The following GRM4 variants were observed in gnomAD, a reference collection of about 807,000 sequenced individuals.
GRM4 encodes the protein glutamate metabotropic receptor 4, also known as metabotropic glutamate receptor 4.
In GRM4, 28 loss-of-function variants were observed where a neutral mutation model predicts 81.7. That is an observed-to-expected ratio of 0.34 (90% confidence interval 0.25 to 0.47). The LOEUF (loss-of-function observed/expected upper bound fraction) is 0.47, where lower values mean the gene tolerates loss of function less well. GRM4 is among the 20% of genes least tolerant of loss of function. GRM4 has a pLI of 1.00. For synonymous variants in GRM4, 488 were observed against 528.8 expected (o/e 0.92, Z 1.06); for missense variants, 948 against 1,290.0 (o/e 0.73, Z 4.06).
Position 34,040,298 on chromosome 6 carries a change from A to G in GRM4, c.1386T>C (p.Pro462=), listed in dbSNP as rs1000842408. 1.9e-6 allele frequency: 3 copies of G among 1,614,068 alleles called. No homozygotes were observed. Among genetic ancestry groups the G allele is most frequent in the African/African-American group, 1.3e-5 (1 of 74,950 alleles). ...NVNFSGIAGN[P]VTFNENGDAP... ...CATCTCCATTCTCATTGAAGGTCAC[A>G]GGGTTCCCTGCGATGCCTGTAAGGG... The change falls in exon 8 of 11, where the codon CCT becomes CCC. Residue 462 remains proline (P), a synonymous_variant. Coordinates refer to ENST00000538487, the MANE Select transcript of GRM4 (RefSeq NM_000841.4).
chr6:34,056,433 CACGGCCGGCCGACG>C (rs1765879275), intron 6 of GRM4, 97 bp downstream of exon 6: 1 of 1,016,372 alleles, frequency 9.8e-7, no homozygotes, highest in Non-Finnish European at 1.4e-6. Flanking sequence ...CACGTCCTGC[CACGGCCGGCCGACG>C]ACAGACAAAG....
chr6:34,087,044 G>C (rs966029693), intron 3 of GRM4, among the ~76,000 whole-genome samples: 1 of 151,958 alleles, frequency 6.6e-6, no homozygotes, highest in Non-Finnish European at 1.5e-5. Flanking sequence ...AGGATTGCTT[G>C]AGCCTGAGAG....
chr6:34,075,796 G>A (rs1767281605), intron 3 of GRM4, among the ~76,000 whole-genome samples: 2 of 152,224 alleles, frequency 1.3e-5, no homozygotes, highest in Admixed American at 6.5e-5. Context: ...CTTATTGTTG[G>A]TTTCCTCCAT....
At position 34,091,890 on chromosome 6, in the gene GRM4, A is replaced by C; in HGVS notation, c.729T>G (p.Arg243=). 3 of 1,611,476 alleles carry C rather than the reference A, an allele frequency of 1.9e-6. No homozygotes were observed. The highest frequency in any genetic ancestry group is 2.5e-6 in the Non-Finnish European group (3 of 1,178,120). The change falls in exon 3 of 11, where the codon CGT becomes CGG. Residue 243 remains arginine, a synonymous_variant. Coordinates refer to ENST00000538487, the MANE Select transcript of GRM4 (RefSeq NM_000841.4). ...SGVEAFIQKS[R]EDGGVCIAQS... The stretch of plus-strand genomic sequence containing the variant: ...GCCAGGCGTTTGACTCACCGTCCTC[A>C]CGGGACTTCTGGATGAAGGCCTCCA...
chr6:34,138,174 C>G (rs942816146), intron 1 of GRM4, among the ~76,000 whole-genome samples: 22 of 152,296 alleles, frequency 1.4e-4, no homozygotes, highest in Admixed American at 1.2e-3. Flanking sequence ...AGGGTCATTG[C>G]CAGAGTCCCT....
rs1561841239 is a variant in GRM4, at chr6:34,152,089, C to G, written c.312+2990G>C. On this transcript the variant is annotated intron_variant, in intron 1 of 8. Transcript: ENST00000374177. The surrounding 1 kb of genome is among the most constrained non-coding windows in gnomAD (Gnocchi z 4.1). ...AGACCACACAAGCTCGTTAACTGATCGGCAGTTGAGAATACCAGGTGGGCC... is the reference window on the plus strand; with the variant it reads ...AGACCACACAAGCTCGTTAACTGATGGGCAGTTGAGAATACCAGGTGGGCC... 6.6e-6 allele frequency among the ~76,000 whole-genome samples: 1 copy of G among 152,280 alleles called. No homozygotes were observed. Among genetic ancestry groups the G allele is most frequent in the East Asian group, 1.9e-4 (1 of 5,176 alleles).
In GRM4 at chr6:34,121,480, C is replaced by T. The variant is rs1354711654; in HGVS notation, c.519+11498G>A. Among the ~76,000 whole-genome samples the T allele has an allele frequency of 6.6e-6, 1 of 152,206 alleles. No homozygotes were observed. Among genetic ancestry groups the T allele is most frequent in the Admixed American group, 6.5e-5 (1 of 15,286 alleles). On this transcript the variant is annotated intron_variant, in intron 2 of 10. Transcript: ENST00000538487. The surrounding 1 kb of genome is among the most constrained non-coding windows in gnomAD (Gnocchi z 4.6). ...GAACGTGGCAAGTGCTACCTCTGTC[C>T]GCTCCCATTAGGGCTCCCATTAGGG...
At chr6:34,102,970 G>A (rs771526239) in intron 2 of GRM4, among the ~76,000 whole-genome samples, 18 of 152,304 alleles carry the variant, frequency 1.2e-4, no homozygotes, top group Non-Finnish European at 2.4e-4. Flanking sequence ...GGCCACCCAC[G>A]GCAGTGCCCA....
rs1449138782 is a variant in GRM4 at position 34,069,134 on chromosome 6, G to T, written c.737-7106C>A. ...GGGGAGGACAGAGGGGAGGACAGGG[G>T]CTGGAAGCTACCCCTGGACCCTCAT... On this transcript the variant is annotated intron_variant, in intron 3 of 10. Transcript: ENST00000538487. The surrounding 1 kb of genome is among the most constrained non-coding windows in gnomAD (Gnocchi z 6.4). Among the ~76,000 whole-genome samples the T allele has an allele frequency of 2.0e-5, 3 of 151,170 alleles. No individual in the cohort carries two copies. Among genetic ancestry groups the T allele is most frequent in the African/African-American group, 7.3e-5 (3 of 40,962 alleles).
At chr6:34,106,168 A>G (rs1769116692) in intron 2 of GRM4, among the ~76,000 whole-genome samples, 1 of 152,038 alleles carries the variant, frequency 6.6e-6, no homozygotes, top group African/African-American at 2.4e-5. Flanking sequence ...TAATCCCAGC[A>G]CTTTGGGAGG....
chr6:34,071,312 T>A (rs1766815073), intron 3 of GRM4, among the ~76,000 whole-genome samples: 1 of 99,264 alleles, frequency 1.0e-5, no homozygotes, highest in South Asian at 3.3e-4. Flanking sequence ...ACCACAGAGA[T>A]ACACACCACA....
chr6:34,153,257 G>T (rs1195854195), intron 1 of GRM4, among the ~76,000 whole-genome samples: 1 of 152,142 alleles, frequency 6.6e-6, no homozygotes, highest in African/African-American at 2.4e-5. Context: ...CCCCTTCAGG[G>T]TACAGACACG....
chr6:34,024,992 G>A (rs1045496156), intron 10 of GRM4, among the ~76,000 whole-genome samples: 18 of 152,168 alleles, frequency 1.2e-4, no homozygotes, highest in African/African-American at 4.3e-4. Context: ...CATCCAGGAG[G>A]TAGCCTGGGA....
Position 34,021,982 on chromosome 6 carries a change from C to T in GRM4, c.*839G>A, listed in dbSNP as rs372906547. 1.6e-3 allele frequency: 242 copies of T among 154,236 alleles called. 1 individual carries two copies. The highest frequency in any genetic ancestry group is 6.4e-3 in the Middle Eastern group (2 of 312). 9.6% of individuals were successfully genotyped at this position (154,236 alleles called of 1,614,324 possible). On this transcript the variant is annotated 3_prime_UTR_variant, in exon 11 of 11. Coordinates refer to ENST00000538487, the MANE Select transcript of GRM4 (RefSeq NM_000841.4). The surrounding 1 kb of genome is among the most constrained non-coding windows in gnomAD (Gnocchi z 5.3). ...CCGTGTGGTCGGCAGGAGGGGCAGG[C>T]GGGCAGGCGGGCAAGACAGACGGCA...
At position 34,090,206 on chromosome 6, in the gene GRM4, G is replaced by A. The variant is rs1434717807; in HGVS notation, c.736+1677C>T. Among the ~76,000 whole-genome samples, 2 of 152,188 alleles carry A rather than the reference G, an allele frequency of 1.3e-5. No homozygotes were observed. Among genetic ancestry groups the A allele is most frequent in the Admixed American group, 1.3e-4 (2 of 15,280 alleles). On this transcript the variant is annotated intron_variant, in intron 3 of 10. Coordinates refer to ENST00000538487, the MANE Select transcript of GRM4 (RefSeq NM_000841.4). The surrounding 1 kb of genome is among the most constrained non-coding windows in gnomAD (Gnocchi z 5.2). ...GGGGGTGGCTTTGAGGTCCCTCAGG[G>A]CAGGGACTGAACACAACTGAACACG...
rs1327939739 is a variant in GRM4, at chr6:34,111,820, G to A, written c.520-19721C>T. Among the ~76,000 whole-genome samples the A allele has an allele frequency of 6.6e-6, 1 of 152,208 alleles. No homozygotes were observed. The highest frequency in any genetic ancestry group is 2.4e-5 in the African/African-American group (1 of 41,470). On this transcript the variant is annotated intron_variant, in intron 2 of 10. Transcript: ENST00000538487. The surrounding 1 kb of genome is among the most constrained non-coding windows in gnomAD (Gnocchi z 5.1). ...ACCATGGGCTGATGTTGGCAGCATT[G>A]CCCCTCTCCTCAGTCACCAGCCTGC...
rs750118066 is a variant in GRM4, at chr6:34,035,995, G to A, written c.2115C>T (p.Ser705=). ...TGCCCAGCAGCTGCAGCGAGATGAG[G>A]CTGAAGGTGATGGCCAGCTGTGAGG... The part of the protein sequence containing the change: ...SPASQLAITF[S]LISLQLLGIC... Residue 705 remains serine (S), a synonymous_variant, in exon 9 of 11, where the codon AGC becomes AGT. Coordinates refer to ENST00000538487, the MANE Select transcript of GRM4 (RefSeq NM_000841.4). This position sits in a 1 kb window ranked among gnomAD's most constrained non-coding sequence, Gnocchi z 6.6. 1.2e-6 allele frequency: 2 copies of A among 1,613,984 alleles called. No individual in the cohort carries two copies. The highest frequency in any genetic ancestry group is 2.2e-5 in the East Asian group (1 of 44,878).
At chr6:34,065,966 GCCT>G (rs940153581) in intron 3 of GRM4, among the ~76,000 whole-genome samples, 4 of 151,706 alleles carry the variant, frequency 2.6e-5, no homozygotes, top group African/African-American at 4.8e-5. Flanking sequence ...CCAGCTCTGC[GCCT>G]CCTCCCCAGC....
chr6:34,087,011 G>C (rs1359136046), intron 3 of GRM4, among the ~76,000 whole-genome samples: 19 of 152,152 alleles, frequency 1.2e-4, no homozygotes, highest in Admixed American at 1.2e-3. Flanking sequence ...TGTGGTTCCA[G>C]CTACTCGGGA....
Sources: allele counts gnomAD v4.1 joint callset (sites outside exome capture counted in the v4.1 genomes callset), GRCh38; gene constraint gnomAD v4.1.1; non-coding constraint Gnocchi (gnomAD v3.1); transcripts MANE v1.5; gene names NCBI Gene and HGNC (gene_info 2026-07-23, HGNC 2026-07-21).